The following THSD4 variants were observed in gnomAD, a reference collection of about 807,000 sequenced individuals.
THSD4 encodes the protein thrombospondin type-1 domain-containing protein 4.
THSD4 carries 69 observed loss-of-function variants against 119.0 expected under a neutral mutation model. The observed-to-expected ratio is 0.58, with a 90% confidence interval of 0.48 to 0.71. THSD4 has a LOEUF of 0.71. THSD4 is among the 30% of genes least tolerant of loss of function. The probability of loss-of-function intolerance (pLI) is 0.00; values close to 1 mark genes in which losing one functional copy is unlikely to be tolerated. For missense variants in THSD4, 1,393 were observed against 1,391.1 expected (o/e 1.00, Z -0.02); for synonymous variants, 524 against 540.4 (o/e 0.97, Z 0.42).
At chr15:71,192,646 C>T (rs1167692644) in intron 3 of THSD4, among the ~76,000 whole-genome samples, 14 of 152,144 alleles carry the variant, frequency 9.2e-5, no homozygotes, top group Non-Finnish European at 1.5e-5. Flanking sequence ...GCATTATTCT[C>T]CTAGACGGGT....
chr15:71,370,769 T>G (rs2046033845), intron 6 of THSD4, among the ~76,000 whole-genome samples: 1 of 152,192 alleles, frequency 6.6e-6, no homozygotes, highest in African/African-American at 2.4e-5. Flanking sequence ...TGATTTGGGG[T>G]GGAGAGTTCT....
At chr15:71,570,381 A>G (rs2049325860) in intron 7 of THSD4, among the ~76,000 whole-genome samples, 2 of 151,378 alleles carry the variant, frequency 1.3e-5, no homozygotes, top group South Asian at 4.2e-4. Flanking sequence ...CCCGGAATAT[A>G]AATCCAGATT....
chr15:71,326,700 A>AAAAATATATATATATATAT (rs1555464320), intron 6 of THSD4, among the ~76,000 whole-genome samples: 3 of 6,446 alleles, frequency 4.7e-4, no homozygotes, highest in Non-Finnish European at 7.3e-4. Context: ...AAAAAAAAAA[A>AAAAATATATATATATATAT]ATATATATAT....
intron 6 of THSD4, among the ~76,000 whole-genome samples, chr15:71,293,677 T>G (rs995148804): frequency 2.0e-5 from 3 of 152,212 alleles, no homozygotes; most frequent in Non-Finnish European, 2.9e-5. Context: ...TACAACGCTT[T>G]CCTCTACTTT....
At chr15:71,153,682 C>T (rs1268094743) in intron 2 of THSD4, among the ~76,000 whole-genome samples, 4 of 152,166 alleles carry the variant, frequency 2.6e-5, no homozygotes, top group African/African-American at 9.7e-5. Flanking sequence ...CTCATCTCCA[C>T]CCTGACGTGA....
chr15:71,136,644 T>C (rs533951214), intron 1 of THSD4, among the ~76,000 whole-genome samples: 1 of 151,890 alleles, frequency 6.6e-6, no homozygotes, highest in South Asian at 2.1e-4. Context: ...GCTGCGGGAG[T>C]TCCAGAGGAC....
At chr15:71,466,714 T>G (rs2140628829) in intron 7 of THSD4, among the ~76,000 whole-genome samples, 1 of 152,326 alleles carries the variant, frequency 6.6e-6, no homozygotes, top group South Asian at 2.1e-4. Flanking sequence ...TCATCCGATT[T>G]CTGAATTGGA....
intron 7 of THSD4, among the ~76,000 whole-genome samples, chr15:71,485,240 G>T (rs2047797333): frequency 6.6e-6 from 1 of 152,118 alleles, no homozygotes; most frequent in African/African-American, 2.4e-5. Context: ...CATCTGCATG[G>T]TATGGAGCCT....
At chr15:71,217,353 C>G (rs1307621757) in intron 4 of THSD4, among the ~76,000 whole-genome samples, 1 of 152,118 alleles carries the variant, frequency 6.6e-6, no homozygotes, top group Non-Finnish European at 1.5e-5. Context: ...TGCGTTGGCT[C>G]ACTCCTGTAA....
At chr15:71,633,265 CTTTCTTTTTTT>C (rs2050668951) in intron 7 of THSD4, among the ~76,000 whole-genome samples, 1 of 123,602 alleles carries the variant, frequency 8.1e-6, no homozygotes, top group Non-Finnish European at 1.7e-5. Context: ...TTCTTTCTTT[CTTTCTTTTTTT>C]TTTTTTTTTT....
intron 8 of THSD4, among the ~76,000 whole-genome samples, chr15:71,662,712 G>A (rs1047149228): frequency 1.3e-5 from 2 of 152,044 alleles, no homozygotes; most frequent in Non-Finnish European, 2.9e-5. Context: ...GGAAGCTCTC[G>A]GAGGCTTGTT....
At chr15:71,385,067 GT>G (rs1268989931) in intron 6 of THSD4, among the ~76,000 whole-genome samples, 2 of 152,166 alleles carry the variant, frequency 1.3e-5, no homozygotes, top group Non-Finnish European at 2.9e-5. Flanking sequence ...CTTTGATTCT[GT>G]CAGACATCTG....
intron 7 of THSD4, among the ~76,000 whole-genome samples, chr15:71,627,707 G>T (rs114983789): frequency 6.6e-6 from 1 of 152,138 alleles, no homozygotes; most frequent in Non-Finnish European, 1.5e-5. Flanking sequence ...TATTTTCAGG[G>T]TATTGTACAA....
chr15:71,390,914 C>A (rs1478917260), intron 6 of THSD4, among the ~76,000 whole-genome samples: 1 of 125,782 alleles, frequency 8.0e-6, no homozygotes, highest in Non-Finnish European at 1.5e-5. Flanking sequence ...GGCTGGAGTG[C>A]AGTGACACGA....
intron 8 of THSD4, among the ~76,000 whole-genome samples, chr15:71,697,880 CTA>C (rs948405472): frequency 2.0e-5 from 3 of 151,720 alleles, no homozygotes; most frequent in African/African-American, 7.3e-5. Context: ...TCTTTTTTCT[CTA>C]TGTATGCATG....
chr15:71,445,283 G>A (rs2047165744), intron 7 of THSD4, among the ~76,000 whole-genome samples: 1 of 151,990 alleles, frequency 6.6e-6, no homozygotes, highest in African/African-American at 2.4e-5. Flanking sequence ...TTTGATTTAC[G>A]TATCTACCTC....
At chr15:71,313,104 T>G (rs72759696) in intron 6 of THSD4, among the ~76,000 whole-genome samples, 26,255 of 152,228 alleles carry the variant, frequency 0.17, 2,299 homozygotes, top group South Asian at 0.24. Context: ...CCTATGTGTT[T>G]ATTTATATCA....
chr15:71,702,182 G>T (rs1053004514), intron 8 of THSD4, among the ~76,000 whole-genome samples: 1 of 152,070 alleles, frequency 6.6e-6, no homozygotes, highest in Non-Finnish European at 1.5e-5. Flanking sequence ...GGCAGGCCTC[G>T]TCCAGGGGCC....
intron 7 of THSD4, among the ~76,000 whole-genome samples, chr15:71,659,735 CAT>C (rs1321355450): frequency 6.6e-6 from 1 of 152,086 alleles, no homozygotes; most frequent in Non-Finnish European, 1.5e-5. Context: ...GTGTGTGCGA[CAT>C]AAAATGGTCC....
Sources: gnomAD v4.1 joint callset for allele counts (sites outside exome capture counted in the v4.1 genomes callset) on GRCh38, gnomAD v4.1.1 for gene constraint, MANE v1.5 for transcripts, NCBI Gene and HGNC (gene_info 2026-07-23, HGNC 2026-07-21) for gene names.